The following MDGA2 variants were observed in gnomAD, a reference collection of about 807,000 sequenced individuals.
MDGA2 encodes the protein MAM domain containing glycosylphosphatidylinositol anchor 2.
In MDGA2, 40 loss-of-function variants were observed where a neutral mutation model predicts 117.8. The observed-to-expected ratio is 0.34, with a 90% CI of 0.26 to 0.44. The LOEUF (loss-of-function observed/expected upper bound fraction) is 0.44. Among genes scored for constraint, MDGA2 ranks in the 20% least tolerant of loss-of-function variants. The pLI is 1.00. For missense variants in MDGA2, 1,123 were observed against 1,250.6 expected (o/e 0.90, Z 1.54); for synonymous variants, 452 against 439.0 (o/e 1.03, Z -0.37).
chr14:47,203,763 C>T (rs55883947), intron 3 of MDGA2, among the ~76,000 whole-genome samples: 32,971 of 151,842 alleles, frequency 0.22, 4,076 homozygotes, highest in African/African-American at 0.29. Context: ...TTCAAGAGAT[C>T]TGGGCTTAGA....
intron 8 of MDGA2, among the ~76,000 whole-genome samples, chr14:46,982,734 A>AAAAATAATAAT (rs1449356596): frequency 3.8e-5 from 5 of 130,324 alleles, no homozygotes; most frequent in Non-Finnish European, 8.4e-5. Context: ...AAAAAAAAAA[A>AAAAATAATAAT]AATCATGTCA....
intron 2 of MDGA2, among the ~76,000 whole-genome samples, chr14:47,231,938 A>G (rs1886706150): frequency 1.3e-5 from 2 of 152,044 alleles, no homozygotes; most frequent in Non-Finnish European, 2.9e-5. Flanking sequence ...CTTTTGTACA[A>G]AGATGGTAAG....
intron 1 of MDGA2, among the ~76,000 whole-genome samples, chr14:47,461,222 A>G (rs1285126901): frequency 6.6e-6 from 1 of 150,970 alleles, no homozygotes; most frequent in Non-Finnish European, 1.5e-5. Context: ...GAAAGAGTCA[A>G]AATTAAATAC....
At chr14:47,251,749 A>G (rs945396071) in intron 2 of MDGA2, among the ~76,000 whole-genome samples, 2 of 152,166 alleles carry the variant, frequency 1.3e-5, no homozygotes, top group Non-Finnish European at 2.9e-5. Flanking sequence ...AATCTCACTC[A>G]AGACAAAAGA....
At position 46,873,498 on chromosome 14, in the gene MDGA2, G is replaced by C. The variant is rs368586339; in HGVS notation, c.2687C>G (p.Pro896Arg). 25 of 1,612,446 alleles carry C rather than the reference G, an allele frequency of 1.6e-5. No homozygotes were observed. The highest frequency in any genetic ancestry group is 2.0e-5 in the Non-Finnish European group (24 of 1,179,060). Residue 896 changes from proline (P) to arginine (R), a missense_variant, in exon 14 of 17, where the codon CCT becomes CGT. Transcript: ENST00000399232. The stretch of plus-strand genomic sequence containing the variant: ...ATATGCAGTGTTTGTGGGTCCATAA[G>C]GGTTTTTGGGAGCTATGCTGAAAAC... ...SPVFSIAPKNPYGPTNTAYCF... is the reference protein window; with the variant it reads ...SPVFSIAPKNRYGPTNTAYCF...
chr14:47,637,532 C>G (rs1299751736), intron 1 of MDGA2, among the ~76,000 whole-genome samples: 1 of 152,116 alleles, frequency 6.6e-6, no homozygotes, highest in African/African-American at 2.4e-5. Context: ...CCAAGAATAT[C>G]CTGGTGAAAC....
At chr14:47,323,617 GTAAGACTCCATC>G (rs1481698519) in intron 1 of MDGA2, among the ~76,000 whole-genome samples, 4 of 151,678 alleles carry the variant, frequency 2.6e-5, no homozygotes, top group Non-Finnish European at 1.5e-5. Flanking sequence ...GGGCAACAGA[GTAAGACTCCATC>G]TCAAAAAACA....
intron 1 of MDGA2, among the ~76,000 whole-genome samples, chr14:47,556,589 C>A (rs1895686961): frequency 1.3e-5 from 2 of 152,124 alleles, no homozygotes; most frequent in African/African-American, 4.8e-5. Flanking sequence ...CCTAATACAC[C>A]AGCTGGAACA....
chr14:47,227,445 C>T (rs971527961), intron 2 of MDGA2, among the ~76,000 whole-genome samples: 1 of 152,156 alleles, frequency 6.6e-6, no homozygotes, highest in African/African-American at 2.4e-5. Context: ...CCTTTCCTCT[C>T]CTGCTTTCTT....
chr14:47,370,125 G>A (rs1891313547), intron 1 of MDGA2, among the ~76,000 whole-genome samples: 1 of 151,660 alleles, frequency 6.6e-6, no homozygotes, highest in African/African-American at 2.4e-5. Flanking sequence ...AATAAATAAT[G>A]AATTCAATCA....
At chr14:47,250,860 G>A (rs187861080) in intron 2 of MDGA2, among the ~76,000 whole-genome samples, 5 of 152,274 alleles carry the variant, frequency 3.3e-5, no homozygotes, top group African/African-American at 1.2e-4. Flanking sequence ...TTTGTCCATT[G>A]AAAGATGGGG....
At chr14:47,098,533 GA>G (rs1217324867) in intron 5 of MDGA2, among the ~76,000 whole-genome samples, 3 of 151,336 alleles carry the variant, frequency 2.0e-5, no homozygotes, top group Admixed American at 6.6e-5. Context: ...ATATTTTGGT[GA>G]AAAAAACCTC....
At chr14:47,147,081 G>A (rs1241514116) in intron 3 of MDGA2, among the ~76,000 whole-genome samples, 1 of 151,890 alleles carries the variant, frequency 6.6e-6, no homozygotes, top group Non-Finnish European at 1.5e-5. Context: ...TGAAATGATG[G>A]CACAGCTAAA....
chr14:47,181,256 C>T (rs1171440570), intron 3 of MDGA2, among the ~76,000 whole-genome samples: 1 of 152,066 alleles, frequency 6.6e-6, no homozygotes, highest in African/African-American at 2.4e-5. Flanking sequence ...CCAATAGACC[C>T]TGGTGTGTGA....
chr14:47,203,101 C>T (rs189681632), intron 3 of MDGA2, among the ~76,000 whole-genome samples: 3 of 152,072 alleles, frequency 2.0e-5, no homozygotes, highest in Admixed American at 6.5e-5. Context: ...GATCCTATCA[C>T]GAACACCACC....
chr14:47,639,682 A>G (rs2138242639), intron 1 of MDGA2, among the ~76,000 whole-genome samples: 1 of 152,146 alleles, frequency 6.6e-6, no homozygotes, highest in East Asian at 1.9e-4. Flanking sequence ...ATACTGTTCT[A>G]TGTTTCCATG....
intron 1 of MDGA2, among the ~76,000 whole-genome samples, chr14:47,361,746 G>T (rs999961176): frequency 6.6e-6 from 1 of 152,042 alleles, no homozygotes; most frequent in African/African-American, 2.4e-5. Flanking sequence ...CTTTGGGTTT[G>T]AACTGAGGAC....
intron 3 of MDGA2, among the ~76,000 whole-genome samples, chr14:47,185,603 T>C (rs1884879985): frequency 6.6e-6 from 1 of 151,502 alleles, no homozygotes. Flanking sequence ...AAGAAACATG[T>C]AGACAATTTA....
intron 6 of MDGA2, among the ~76,000 whole-genome samples, chr14:47,063,270 A>T (rs1223335348): frequency 2.0e-5 from 3 of 152,064 alleles, no homozygotes; most frequent in Admixed American, 1.3e-4. Flanking sequence ...CTTAAATCAC[A>T]TTCTCATACT....
Sources: allele counts gnomAD v4.1 joint callset (sites outside exome capture counted in the v4.1 genomes callset), GRCh38; gene constraint gnomAD v4.1.1; transcripts MANE v1.5; gene names NCBI Gene and HGNC (gene_info 2026-07-23, HGNC 2026-07-21).